IL1RAPL2: variants seen among roughly 807,000 people sequenced by gnomAD.
IL1RAPL2 encodes interleukin 1 receptor accessory protein like 2.
IL1RAPL2 carries 3 observed loss-of-function variants against 44.1 expected under a neutral mutation model. That is an observed-to-expected ratio of 0.07 (90% CI 0.03 to 0.18). IL1RAPL2 has a LOEUF of 0.18. IL1RAPL2 is among the 10% of genes least tolerant of loss of function. The pLI, the probability that IL1RAPL2 is intolerant of heterozygous loss-of-function variation, is 1.00. For missense variants in IL1RAPL2, 391 were observed against 496.4 expected (o/e 0.79, Z 2.02); for synonymous variants, 181 against 178.8 (o/e 1.01, Z -0.10).
chrX:104,744,981 C>T (rs1197739920), intron 2 of IL1RAPL2, among the ~76,000 whole-genome samples: 1 of 109,397 alleles, frequency 9.1e-6, no homozygotes, highest in Non-Finnish European at 1.9e-5. Flanking sequence ...GATCCCCACC[C>T]CCTCCCATAG....
intron 5 of IL1RAPL2, among the ~76,000 whole-genome samples, chrX:105,398,466 G>A (rs767791651): frequency 9.0e-6 from 1 of 110,895 alleles, no homozygotes; most frequent in Non-Finnish European, 1.9e-5. Flanking sequence ...AGAAAAATCC[G>A]ATCTAAAGAT....
chrX:105,705,100 T>A (rs1388663035), intron 6 of IL1RAPL2, among the ~76,000 whole-genome samples: 1 of 110,343 alleles, frequency 9.1e-6, no homozygotes, highest in Non-Finnish European at 1.9e-5. Context: ...TGTGCACACA[T>A]ACACTATGTA....
At chrX:105,334,749 T>C (rs1162715678) in intron 5 of IL1RAPL2, among the ~76,000 whole-genome samples, 3 of 110,636 alleles carry the variant, frequency 2.7e-5, no homozygotes, top group Non-Finnish European at 5.7e-5. Context: ...ACATATTGAA[T>C]TGGGAGCTTT....
chrX:104,825,684 G>A (rs1026068153), intron 2 of IL1RAPL2, among the ~76,000 whole-genome samples: 4 of 112,036 alleles, frequency 3.6e-5, no homozygotes, highest in East Asian at 2.8e-4. Flanking sequence ...GGTCATATTC[G>A]TTAGTTTTAG....
intron 5 of IL1RAPL2, among the ~76,000 whole-genome samples, chrX:105,434,907 T>C (rs929885396): frequency 9.0e-6 from 1 of 111,544 alleles, no homozygotes; most frequent in African/African-American, 3.3e-5. Flanking sequence ...AAGGAAGGGG[T>C]CCAGTTTCAG....
intron 4 of IL1RAPL2, among the ~76,000 whole-genome samples, chrX:105,238,331 T>C (rs782285116): frequency 2.7e-5 from 3 of 112,131 alleles, no homozygotes; most frequent in Non-Finnish European, 5.6e-5. Flanking sequence ...CTAAACATGA[T>C]TTAACAATTT....
intron 5 of IL1RAPL2, among the ~76,000 whole-genome samples, chrX:105,463,478 A>G (rs1329275852): frequency 9.0e-6 from 1 of 110,634 alleles, no homozygotes; most frequent in African/African-American, 3.3e-5. Context: ...AAGTCTCTTT[A>G]TAACTCTTTA....
At position 105,349,431 on chromosome X, in the gene IL1RAPL2, T is replaced by C. The variant is rs542448173; in HGVS notation, c.697+81890T>C. On this transcript the variant is annotated intron_variant, in intron 5 of 10. Coordinates refer to ENST00000372582, the MANE Select transcript of IL1RAPL2 (RefSeq NM_017416.2). ...ATTTCTGGGGAATATCATGAGGTTT[T>C]AAACATGTGTACATGTTTCTCTCTA... 1.2e-3 allele frequency among the ~76,000 whole-genome samples: 129 copies of C among 111,942 alleles called. No homozygotes were observed. In the South Asian group the frequency reaches 0.021, roughly 18 times the overall value.
chrX:105,199,572 A>G (rs1556144341), intron 3 of IL1RAPL2, among the ~76,000 whole-genome samples: 1 of 111,579 alleles, frequency 9.0e-6, no homozygotes, highest in Non-Finnish European at 1.9e-5. Flanking sequence ...CTTTAGGGAT[A>G]GTGGAACTTC....
At chrX:104,950,883 C>T (rs187339306) in intron 2 of IL1RAPL2, among the ~76,000 whole-genome samples, 157 of 110,801 alleles carry the variant, frequency 1.4e-3, no homozygotes, top group African/African-American at 4.8e-3. Flanking sequence ...AATTCTGGTG[C>T]GCTGTTTTTT....
chrX:105,183,192 T>A (rs1556131899), intron 2 of IL1RAPL2, among the ~76,000 whole-genome samples: 1 of 110,637 alleles, frequency 9.0e-6, no homozygotes, highest in African/African-American at 3.3e-5. Context: ...AATGTCAGAG[T>A]GCATGAAGCA....
chrX:105,715,665 G>A (rs1031988314), intron 6 of IL1RAPL2, among the ~76,000 whole-genome samples: 3 of 111,346 alleles, frequency 2.7e-5, no homozygotes, highest in Non-Finnish European at 5.7e-5. Flanking sequence ...GGGTACATGG[G>A]CTTGAGTTTA....
At chrX:104,971,985 C>T (rs1409678817) in intron 2 of IL1RAPL2, among the ~76,000 whole-genome samples, 6 of 111,432 alleles carry the variant, frequency 5.4e-5, no homozygotes, top group African/African-American at 1.6e-4. Context: ...TTCCCACTTA[C>T]GGCCACAAAC....
chrX:105,531,785 TTTTCCCAGCACGA>T (rs1268632560), intron 6 of IL1RAPL2, among the ~76,000 whole-genome samples: 1 of 111,803 alleles, frequency 8.9e-6, no homozygotes, highest in African/African-American at 3.3e-5. Flanking sequence ...GGATATCCAG[TTTTCCCAGCACGA>T]TTTATTGAAG....
Position 105,167,993 on chromosome X carries a change from C to T in IL1RAPL2, c.83-27482C>T, listed in dbSNP as rs1320808817. Reference sequence around the variant, plus strand: ...CAAAGTCGTACAGCCAAGTCAATGGCAGATCCTGAATTCAAACATCGGTAT... The same window carrying T: ...CAAAGTCGTACAGCCAAGTCAATGGTAGATCCTGAATTCAAACATCGGTAT... On this transcript the variant is annotated intron_variant, in intron 2 of 10. Transcript: ENST00000372582. Among the ~76,000 whole-genome samples, 5 of 111,622 alleles carry T rather than the reference C, an allele frequency of 4.5e-5. 1 individual carries two copies. The Admixed American group carries it at 4.8e-4, about 11-fold the overall frequency.
chrX:105,202,287 T>A (rs1385256337), intron 3 of IL1RAPL2, among the ~76,000 whole-genome samples: 1 of 112,532 alleles, frequency 8.9e-6, no homozygotes, highest in Non-Finnish European at 1.9e-5. Context: ...TCTCAAATAG[T>A]CACTGATGAG....
intron 1 of IL1RAPL2, among the ~76,000 whole-genome samples, chrX:104,568,818 ACTC>A (rs1294550800): frequency 9.2e-6 from 1 of 108,908 alleles, no homozygotes; most frequent in Non-Finnish European, 1.9e-5. Context: ...CATCCCTTCT[ACTC>A]CTCTCCTCCG....
intron 6 of IL1RAPL2, among the ~76,000 whole-genome samples, chrX:105,714,351 C>T (rs1002616430): frequency 2.6e-4 from 29 of 111,762 alleles, no homozygotes; most frequent in African/African-American, 9.1e-4. Context: ...CAGATTCGTT[C>T]AGCCTCTGCT....
intron 2 of IL1RAPL2, among the ~76,000 whole-genome samples, chrX:105,011,066 G>C (rs1160812804): frequency 9.0e-6 from 1 of 110,644 alleles, no homozygotes; most frequent in Admixed American, 9.7e-5. Flanking sequence ...GGTTAAGAGA[G>C]TGGACTTGAC....
Sources: allele counts gnomAD v4.1 joint callset (sites outside exome capture counted in the v4.1 genomes callset), GRCh38; gene constraint gnomAD v4.1.1; transcripts MANE v1.5; gene names NCBI Gene and HGNC (gene_info 2026-07-23, HGNC 2026-07-21).